ME3: variants seen among roughly 807,000 people sequenced by gnomAD.
ME3 encodes the protein NADP-dependent malic enzyme, mitochondrial.
In ME3, 48 loss-of-function variants were observed where a neutral mutation model predicts 68.9. The ratio of observed to expected loss-of-function variants is 0.70; its 90% CI spans 0.55 to 0.89. ME3 has a LOEUF of 0.89. Ranked by LOEUF, ME3 falls within the 40% of genes least tolerant of loss-of-function variation. ME3 has a pLI of 0.00. For missense variants in ME3, 675 were observed against 797.4 expected (o/e 0.85, Z 1.85); for synonymous variants, 320 against 318.8 (o/e 1.00, Z -0.04).
At chr11:86,658,195 C>T (rs1057216073) in intron 2 of ME3, among the ~76,000 whole-genome samples, 6 of 151,636 alleles carry the variant, frequency 4.0e-5, no homozygotes, top group Non-Finnish European at 5.9e-5. Context: ...GCGATCTTGG[C>T]GTACTGCAAC....
chr11:86,539,169 A>T, intron 4 of ME3, among the ~76,000 whole-genome samples: 1 of 152,088 alleles, frequency 6.6e-6, no homozygotes, highest in East Asian at 1.9e-4. Flanking sequence ...TACACTCCCA[A>T]TCCTGAGAGT....
intron 4 of ME3, among the ~76,000 whole-genome samples, chr11:86,525,757 G>C (rs1267210308): frequency 1.3e-5 from 2 of 151,798 alleles, no homozygotes; most frequent in Admixed American, 6.6e-5. Flanking sequence ...GTTACCGAGG[G>C]AGACCGAGGT....
At chr11:86,543,425 A>G (rs138774739) in intron 4 of ME3, among the ~76,000 whole-genome samples, 11,040 of 152,280 alleles carry the variant, frequency 0.072, 687 homozygotes, top group Non-Finnish European at 0.096. Flanking sequence ...ACATGCAAAG[A>G]CACACATAGG....
chr11:86,591,031 G>C lies in ME3; in HGVS notation c.184-31208C>G, dbSNP rs147759242. Among the ~76,000 whole-genome samples, 533 of 152,322 alleles carry C rather than the reference G, an allele frequency of 3.5e-3. 3 individuals are homozygous for C. Among genetic ancestry groups the C allele is most frequent in the African/African-American group, 0.013 (520 of 41,568 alleles). On this transcript the variant is annotated intron_variant, in intron 2 of 14. Transcript: ENST00000543262. ...TGTGTTGGGCGATGGGGGGAAGGCA[G>C]AAGACATGCAAGCCTGGATGTTTCA...
At chr11:86,500,200 CTTA>C (rs1952626427) in intron 5 of ME3, among the ~76,000 whole-genome samples, 1 of 152,216 alleles carries the variant, frequency 6.6e-6, no homozygotes, top group Non-Finnish European at 1.5e-5. Context: ...TTAGAGCTTC[CTTA>C]TTATGGTTCC....
rs148050738 is a variant in ME3, at chr11:86,640,536, C to T, written c.183+31226G>A. 2.6e-5 allele frequency among the ~76,000 whole-genome samples: 4 copies of T among 152,320 alleles called. No individual in the cohort carries two copies. In the East Asian group the frequency reaches 7.7e-4, roughly 29 times the overall value. On this transcript the variant is annotated intron_variant, in intron 2 of 14. Transcript: ENST00000543262. ...CAGATTTTCACACTGACTGGACAGG[C>T]CTTAGCCATCTGGCCTGGTTGTTTT...
intron 6 of ME3, among the ~76,000 whole-genome samples, chr11:86,497,584 C>T (rs1031928347): frequency 1.3e-5 from 2 of 152,106 alleles, no homozygotes; most frequent in South Asian, 2.1e-4. Flanking sequence ...TCCACTGGGG[C>T]AGCCTGCCTT....
chr11:86,619,027 A>G (rs920632217), intron 2 of ME3, among the ~76,000 whole-genome samples: 3 of 152,074 alleles, frequency 2.0e-5, no homozygotes, highest in African/African-American at 7.2e-5. Context: ...GTCATTTCTA[A>G]GTGTGTGGCA....
At chr11:86,602,395 A>G (rs574793410) in intron 2 of ME3, among the ~76,000 whole-genome samples, 4 of 152,184 alleles carry the variant, frequency 2.6e-5, no homozygotes, top group Non-Finnish European at 4.4e-5. Flanking sequence ...TCCAACTTAC[A>G]AGGGACAAGA....
intron 2 of ME3, among the ~76,000 whole-genome samples, chr11:86,567,898 A>G (rs761047892): frequency 6.6e-6 from 1 of 152,194 alleles, no homozygotes; most frequent in Non-Finnish European, 1.5e-5. Flanking sequence ...AACTTTGCTA[A>G]TCGGCACTCA....
intron 2 of ME3, among the ~76,000 whole-genome samples, chr11:86,599,707 C>T (rs746781453): frequency 6.6e-6 from 1 of 152,116 alleles, no homozygotes; most frequent in African/African-American, 2.4e-5. Flanking sequence ...GAGAGAAAGG[C>T]CAGGTTACCC....
At chr11:86,662,505 G>C (rs1002659119) in intron 2 of ME3, among the ~76,000 whole-genome samples, 7 of 152,088 alleles carry the variant, frequency 4.6e-5, no homozygotes, top group Non-Finnish European at 8.8e-5. Flanking sequence ...GCTGAGGTGG[G>C]AGGATCACTT....
At chr11:86,652,012 A>T (rs1477173339) in intron 2 of ME3, among the ~76,000 whole-genome samples, 3 of 152,222 alleles carry the variant, frequency 2.0e-5, no homozygotes, top group African/African-American at 7.2e-5. Flanking sequence ...AGATCAAATG[A>T]ATGACATGAA....
chr11:86,601,494 AT>A (rs1458662194), intron 2 of ME3, among the ~76,000 whole-genome samples: 1 of 152,162 alleles, frequency 6.6e-6, no homozygotes, highest in Non-Finnish European at 1.5e-5. Flanking sequence ...CCAGGACCAG[AT>A]GGATTCACAG....
intron 4 of ME3, among the ~76,000 whole-genome samples, chr11:86,524,595 A>G (rs576550273): frequency 6.6e-6 from 1 of 152,360 alleles, no homozygotes; most frequent in African/African-American, 2.4e-5. Flanking sequence ...TCTGAGTCCT[A>G]TCCTGAAGTA....
rs187071251 is a variant in ME3, at chr11:86,580,446, A to G, written c.184-20623T>C. Among the ~76,000 whole-genome samples, 9 of 152,344 alleles carry G rather than the reference A, an allele frequency of 5.9e-5. No individual in the cohort carries two copies. In the East Asian group the frequency reaches 1.7e-3, roughly 29 times the overall value. ...TGTTCTAAATTAATGCTGATTGACT[A>G]AATACATGACTGAATGATTGATTGG... On this transcript the variant is annotated intron_variant, in intron 2 of 14. Coordinates refer to ENST00000543262, the Ensembl canonical transcript of ME3.
intron 4 of ME3, among the ~76,000 whole-genome samples, chr11:86,520,787 T>C (rs180684898): frequency 1.3e-5 from 2 of 152,350 alleles, no homozygotes; most frequent in East Asian, 3.9e-4. Context: ...GTCTATTCCT[T>C]TCTCTGAATG....
Position 86,649,214 on chromosome 11 carries a change from C to G in ME3, c.183+22548G>C, listed in dbSNP as rs139350471. 3.5e-3 allele frequency among the ~76,000 whole-genome samples: 537 copies of G among 152,250 alleles called. 2 individuals carry two copies. The highest frequency in any genetic ancestry group is 0.012 in the African/African-American group (510 of 41,562). The stretch of plus-strand genomic sequence containing the variant: ...ACATAAACAGAACCAAAGACAAAAA[C>G]CACATGATTATCTCAATAGATGCAG... On this transcript the variant is annotated intron_variant, in intron 2 of 14. Coordinates refer to ENST00000543262, the Ensembl canonical transcript of ME3.
intron 4 of ME3, among the ~76,000 whole-genome samples, chr11:86,545,543 A>G (rs1956310268): frequency 6.6e-6 from 1 of 152,232 alleles, no homozygotes; most frequent in Non-Finnish European, 1.5e-5. Context: ...CAGGCAAATC[A>G]TGAGTGAGCT....
Sources: allele counts gnomAD v4.1 joint callset (sites outside exome capture counted in the v4.1 genomes callset), GRCh38; gene constraint gnomAD v4.1.1; transcripts MANE v1.5; gene names NCBI Gene and HGNC (gene_info 2026-07-23, HGNC 2026-07-21).